UGGT2: variants seen among roughly 807,000 people sequenced by gnomAD.
The protein encoded by UGGT2 is UDP-glucose:glycoprotein glucosyltransferase 2.
UGGT2 carries 180 observed loss-of-function variants against 192.1 expected under a neutral mutation model. The observed-to-expected ratio is 0.94, with a 90% CI of 0.83 to 1.06. The LOEUF (loss-of-function observed/expected upper bound fraction) is 1.06, where lower values mean the gene tolerates loss of function less well. Ranked by LOEUF, UGGT2 falls within the 50% of genes least tolerant of loss-of-function variation. The pLI is 0.00. For missense variants in UGGT2, 1,849 were observed against 1,795.7 expected (o/e 1.03, Z -0.54); for synonymous variants, 580 against 591.0 (o/e 0.98, Z 0.27).
chr13:95,856,365 A>G, intron 33 of UGGT2, 25 bp from the exon 34 acceptor site: 1 of 1,589,862 alleles, frequency 6.3e-7, no homozygotes, highest in Non-Finnish European at 8.5e-7. Context: ...ACAAAATCAA[A>G]CAATATGTTC....
chr13:95,895,197 C>CA lies in UGGT2; in HGVS notation c.2741dup (p.Met914IlefsTer7), dbSNP rs765662864. 3 of 1,585,018 alleles carry CA rather than the reference C, an allele frequency of 1.9e-6. No individual in the cohort carries two copies. The South Asian group carries it at 3.5e-5, about 19-fold the overall frequency. On this transcript the variant is annotated frameshift_variant, in exon 23 of 39. Coordinates refer to ENST00000376747, the MANE Select transcript of UGGT2 (RefSeq NM_020121.4). LOFTEE classifies it high-confidence loss of function. Reference sequence around the variant, plus strand: ...ATACTCACTTATTTGCGTTGATTCCCATATTTTCAACAATGCCTTTAATTT... The same window carrying CA: ...ATACTCACTTATTTGCGTTGATTCCCAATATTTTCAACAATGCCTTTAATTT...
chr13:95,837,259 A>C (rs1468004930), intron 36 of UGGT2, 57 bp from the exon 37 acceptor site: 3 of 1,154,492 alleles, frequency 2.6e-6, no homozygotes, highest in East Asian at 4.7e-5. Flanking sequence ...AGAAGGAAAG[A>C]AGCTGAATGA....
intron 17 of UGGT2, among the ~76,000 whole-genome samples, chr13:95,929,350 G>T (rs1036661981): frequency 2.0e-5 from 3 of 152,112 alleles, no homozygotes; most frequent in African/African-American, 7.2e-5. Flanking sequence ...TACAACACAG[G>T]TGTATCATGT....
chr13:95,876,981 T>G, intron 29 of UGGT2: 1 of 196,924 alleles, frequency 5.1e-6, no homozygotes, highest in East Asian at 1.2e-4. Flanking sequence ...TCCCGAAGAT[T>G]CAAGCAATTC....
chr13:95,937,010 C>T lies in UGGT2; in HGVS notation c.1891G>A (p.Glu631Lys). 6.2e-7 allele frequency: 1 copy of T among 1,607,054 alleles called. No individual in the cohort carries two copies. Among genetic ancestry groups the T allele is most frequent in the South Asian group, 1.1e-5 (1 of 89,354 alleles). The change falls in exon 17 of 39, where the codon GAA becomes AAA. Residue 631 changes from glutamate to lysine, a missense_variant. By Grantham distance (56) the Glu-to-Lys change is moderately conservative. Transcript: ENST00000376747. ...ALYNGEPFKH[E>K]EMNIKELKMA... ...TTTAGTTCTTTAATATTCATCTCTT[C>T]ATGTTTAAAGGGTTCACCATTATAA...
intron 20 of UGGT2, among the ~76,000 whole-genome samples, chr13:95,907,085 A>C (rs1566672444): frequency 6.6e-6 from 1 of 152,222 alleles, no homozygotes; most frequent in East Asian, 1.9e-4. Context: ...GGTCTTAGCA[A>C]CCAGCAGACA....
At chr13:95,904,350 T>C (rs981360041) in intron 20 of UGGT2, among the ~76,000 whole-genome samples, 12 of 151,952 alleles carry the variant, frequency 7.9e-5, no homozygotes, top group Admixed American at 3.9e-4. Context: ...TTGTGCAGGT[T>C]AGTTACATAT....
At chr13:95,817,508 A>G (rs1428831257) in intron 38 of UGGT2, among the ~76,000 whole-genome samples, 4 of 152,042 alleles carry the variant, frequency 2.6e-5, no homozygotes, top group African/African-American at 7.2e-5. Flanking sequence ...GCTTGAGCCC[A>G]GGAGTTTGAG....
intron 17 of UGGT2, among the ~76,000 whole-genome samples, chr13:95,932,012 GTTCT>G (rs1273788232): frequency 6.6e-6 from 1 of 152,194 alleles, no homozygotes; most frequent in Non-Finnish European, 1.5e-5. Flanking sequence ...CTTCAGATTT[GTTCT>G]TTTTCTTGGA....
intron 38 of UGGT2, among the ~76,000 whole-genome samples, chr13:95,817,116 A>C (rs2139767150): frequency 6.6e-6 from 1 of 152,312 alleles, no homozygotes; most frequent in South Asian, 2.1e-4. Context: ...TAGCAAAGCA[A>C]GACTTTGTCT....
chr13:95,814,038 TA>T (rs755810589), intron 38 of UGGT2, among the ~76,000 whole-genome samples: 1 of 152,242 alleles, frequency 6.6e-6, no homozygotes, highest in South Asian at 2.1e-4. Context: ...GAGAATGTAT[TA>T]AAAAAAGTCT....
chr13:95,898,415 C>T (rs1264188057), intron 22 of UGGT2, among the ~76,000 whole-genome samples: 1 of 152,048 alleles, frequency 6.6e-6, no homozygotes, highest in Non-Finnish European at 1.5e-5. Flanking sequence ...AGACATGATT[C>T]ACAGGATTCA....
chr13:95,952,706 T>C (rs2050104544), intron 12 of UGGT2, among the ~76,000 whole-genome samples: 1 of 152,172 alleles, frequency 6.6e-6, no homozygotes, highest in African/African-American at 2.4e-5. Context: ...TTGTGGGTTT[T>C]TTCCCTTCTA....
intron 20 of UGGT2, among the ~76,000 whole-genome samples, chr13:95,911,293 C>A (rs1023000495): frequency 6.6e-6 from 1 of 152,072 alleles, no homozygotes; most frequent in African/African-American, 2.4e-5. Context: ...ATCAATGAAT[C>A]CAGGAGCTGG....
chr13:96,041,632 C>T (rs73545122), intron 1 of UGGT2, among the ~76,000 whole-genome samples: 1,688 of 152,144 alleles, frequency 0.011, 37 homozygotes, highest in African/African-American at 0.039. Context: ...CACCTAAGTT[C>T]TCAGCCCTGC....
At chr13:95,903,609 CACTCAAT>C (rs1486294339) in intron 20 of UGGT2, among the ~76,000 whole-genome samples, 1 of 129,830 alleles carries the variant, frequency 7.7e-6, no homozygotes, top group Admixed American at 7.4e-5. Flanking sequence ...GTTCTTTCCC[CACTCAAT>C]AATGTGAGAT....
At chr13:95,871,886 C>T (rs1422380851) in intron 29 of UGGT2, among the ~76,000 whole-genome samples, 1 of 152,124 alleles carries the variant, frequency 6.6e-6, no homozygotes, top group African/African-American at 2.4e-5. Context: ...TTAACTACTG[C>T]AGAGCCAGCA....
At chr13:95,802,024 C>G (rs1884082668) in intron 38 of UGGT2, among the ~76,000 whole-genome samples, 1 of 152,156 alleles carries the variant, frequency 6.6e-6, no homozygotes, top group South Asian at 2.1e-4. Context: ...TCTTTCTACC[C>G]ACCTAGAATG....
chr13:95,953,740 CTT>C lies in UGGT2; in HGVS notation c.1336-4288_1336-4287del, dbSNP rs551029294. 2.7e-3 allele frequency among the ~76,000 whole-genome samples: 399 copies of C among 150,370 alleles called. 2 individuals are homozygous for C. Among genetic ancestry groups the C allele is most frequent in the African/African-American group, 9.4e-3 (384 of 41,052 alleles). On this transcript the variant is annotated intron_variant, in intron 12 of 38. Transcript: ENST00000376747. ...AGCACTATTTTCTACAAAAAAAAAACTTGGTGAATAGGCCGTTCCACATTTGG... is the reference window on the plus strand; with the variant it reads ...AGCACTATTTTCTACAAAAAAAAAACGGTGAATAGGCCGTTCCACATTTGG...
Sources: gnomAD v4.1 joint callset for allele counts (sites outside exome capture counted in the v4.1 genomes callset) on GRCh38, gnomAD v4.1.1 for gene constraint, MANE v1.5 for transcripts, NCBI Gene and HGNC (gene_info 2026-07-23, HGNC 2026-07-21) for gene names.